COBL: variants seen among roughly 807,000 people sequenced by gnomAD.
COBL encodes cordon-bleu WH2 repeat protein.
Under a neutral mutation model 98.8 loss-of-function variants are expected in COBL, and 51 were observed. The observed-to-expected ratio is 0.52, with a 90% confidence interval of 0.41 to 0.65. The LOEUF (loss-of-function observed/expected upper bound fraction) is 0.65, where lower values mean the gene tolerates loss of function less well. COBL is among the 30% of genes least tolerant of loss of function. COBL has a pLI of 0.00. For synonymous variants in COBL, 634 were observed against 651.7 expected, an observed-to-expected ratio of 0.97 and a Z score of 0.41; for missense variants, 1,617 against 1,617.5, an observed-to-expected ratio of 1.00 and a Z score of 0.01.
chr7:51,144,223 A>G (rs147520810), intron 5 of COBL, among the ~76,000 whole-genome samples: 22 of 152,326 alleles, frequency 1.4e-4, no homozygotes, highest in African/African-American at 4.8e-4. Context: ...ATTCGTGTGC[A>G]GACATGTATT....
In COBL at chr7:51,187,761, TG is replaced by T. The variant is rs112442350; in HGVS notation, c.685+3088del. 9.2e-3 allele frequency among the ~76,000 whole-genome samples: 1,405 copies of T among 152,340 alleles called. 19 individuals are homozygous for T. The highest frequency in any genetic ancestry group is 0.032 in the African/African-American group (1,325 of 41,584). Reference sequence around the variant, plus strand: ...ATCAAGAAACCAAACCAAAATCTCATGTCAGCCTCGCATGCACCTTCAGGAG... The same window carrying T: ...ATCAAGAAACCAAACCAAAATCTCATTCAGCCTCGCATGCACCTTCAGGAG... On this transcript the variant is annotated intron_variant, in intron 4 of 12. Transcript: ENST00000265136.
chr7:51,025,811 A>G (rs1460043477), intron 11 of COBL, among the ~76,000 whole-genome samples: 1 of 152,178 alleles, frequency 6.6e-6, no homozygotes, highest in Non-Finnish European at 1.5e-5. Context: ...TTACCCCTGG[A>G]CCTGAGACAG....
chr7:51,158,073 A>G (rs1314596484), intron 5 of COBL, among the ~76,000 whole-genome samples: 4 of 152,222 alleles, frequency 2.6e-5, no homozygotes, highest in Non-Finnish European at 4.4e-5. Flanking sequence ...TTAGAGAGGC[A>G]GTGTCATCTG....
chr7:51,120,196 GT>G (rs1797625477), intron 6 of COBL, among the ~76,000 whole-genome samples: 1 of 152,146 alleles, frequency 6.6e-6, no homozygotes, highest in African/African-American at 2.4e-5. Flanking sequence ...TCAAAACAGT[GT>G]TGTCAAATGG....
intron 6 of COBL, among the ~76,000 whole-genome samples, chr7:51,090,480 G>A (rs1794706824): frequency 6.6e-6 from 1 of 152,208 alleles, no homozygotes; most frequent in Admixed American, 6.5e-5. Flanking sequence ...AGAATGGAAT[G>A]TACATCTAAC....
At position 51,125,965 on chromosome 7, in the gene COBL, T is replaced by C. The variant is rs561656546; in HGVS notation, c.957+10193A>G. The stretch of plus-strand genomic sequence containing the variant: ...ATTTCTATATCGTTTAAGTAAGGGA[T>C]GGTAACTTCTAGACGCTTCGATTCC... On this transcript the variant is annotated intron_variant, in intron 6 of 12. Coordinates refer to ENST00000265136, the MANE Select transcript of COBL (RefSeq NM_015198.5). Among the ~76,000 whole-genome samples the C allele has an allele frequency of 7.2e-5, 11 of 152,326 alleles. No individual in the cohort carries two copies. In the South Asian group the frequency reaches 2.3e-3, roughly 32 times the overall value.
intron 6 of COBL, among the ~76,000 whole-genome samples, chr7:51,125,897 T>G (rs1798157723): frequency 6.6e-6 from 1 of 152,256 alleles, no homozygotes; most frequent in African/African-American, 2.4e-5. Context: ...ATGTAGCGAT[T>G]GTTTCCCAGT....
chr7:51,262,395 G>A (rs1038127150), intron 1 of COBL, among the ~76,000 whole-genome samples: 13 of 152,220 alleles, frequency 8.5e-5, no homozygotes, highest in South Asian at 2.1e-4. Context: ...GGACGAAACC[G>A]TGTCAGAGTC....
At chr7:51,026,871 C>T (rs1405024766) in intron 10 of COBL, among the ~76,000 whole-genome samples, 1 of 152,192 alleles carries the variant, frequency 6.6e-6, no homozygotes, top group African/African-American at 2.4e-5. Context: ...GTACTCCAGC[C>T]TGGGCCACAG....
At chr7:51,160,386 T>A (rs1485673199) in intron 5 of COBL, among the ~76,000 whole-genome samples, 2 of 152,172 alleles carry the variant, frequency 1.3e-5, no homozygotes, top group Non-Finnish European at 2.9e-5. Context: ...AGGGAAACAA[T>A]GCAGTAATGC....
intron 6 of COBL, among the ~76,000 whole-genome samples, chr7:51,108,089 GCTCACCCA>G (rs1796474042): frequency 6.6e-6 from 1 of 152,054 alleles, no homozygotes; most frequent in Non-Finnish European, 1.5e-5. Context: ...CAGATCCAGG[GCTCACCCA>G]GAGGCCACGC....
chr7:51,183,358 G>C (rs887649063), intron 5 of COBL, among the ~76,000 whole-genome samples: 1 of 152,076 alleles, frequency 6.6e-6, no homozygotes. Flanking sequence ...TAAAATACTA[G>C]ATATTAGTAA....
chr7:51,253,523 T>C (rs941201617), intron 1 of COBL, among the ~76,000 whole-genome samples: 8 of 152,224 alleles, frequency 5.3e-5, no homozygotes, highest in Non-Finnish European at 1.0e-4. Context: ...AATGTAACTA[T>C]TGGAAAGGTA....
chr7:51,270,283 C>CT (rs1798634827), intron 1 of COBL, among the ~76,000 whole-genome samples: 1 of 152,176 alleles, frequency 6.6e-6, no homozygotes, highest in Admixed American at 6.5e-5. Flanking sequence ...AAGACTGGCT[C>CT]TGAGGTGCTG....
chr7:51,027,619 T>C (rs1358260315), intron 10 of COBL, 93 bp downstream of exon 10: 2 of 1,092,398 alleles, frequency 1.8e-6, no homozygotes, highest in East Asian at 2.4e-5. Context: ...TAATCCCGTC[T>C]CTCTCTCTCC....
chr7:51,312,874 T>A (rs1286616500), intron 1 of COBL, among the ~76,000 whole-genome samples: 3 of 152,138 alleles, frequency 2.0e-5, no homozygotes, highest in African/African-American at 7.2e-5. Flanking sequence ...TTCAGTTCTA[T>A]CCCCTTTATA....
chr7:51,183,164 G>A lies in COBL; in HGVS notation c.783+938C>T, dbSNP rs150081395. Among the ~76,000 whole-genome samples the A allele has an allele frequency of 3.0e-4, 45 of 152,318 alleles. No individual in the cohort carries two copies. The South Asian group carries it at 8.7e-3, about 29-fold the overall frequency. ...GGCAGGAAATCAGGTGTCCGGCCTT[G>A]GGCTACATGCACCTATCTGCACCAT... On this transcript the variant is annotated intron_variant, in intron 5 of 12. Coordinates refer to ENST00000265136, the MANE Select transcript of COBL (RefSeq NM_015198.5).
chr7:51,067,132 G>A (rs1399352230), intron 7 of COBL, among the ~76,000 whole-genome samples: 2 of 152,144 alleles, frequency 1.3e-5, no homozygotes, highest in African/African-American at 2.4e-5. Flanking sequence ...CGTGGGGGTG[G>A]GGAAGCATAC....
intron 1 of COBL, among the ~76,000 whole-genome samples, chr7:51,258,185 T>A (rs970972143): frequency 6.8e-4 from 103 of 152,340 alleles, no homozygotes; most frequent in African/African-American, 2.4e-3. Context: ...AGTGTATAAC[T>A]CTTCAATGAA....
Sources: allele counts gnomAD v4.1 joint callset (sites outside exome capture counted in the v4.1 genomes callset), GRCh38; gene constraint gnomAD v4.1.1; transcripts MANE v1.5; gene names NCBI Gene and HGNC (gene_info 2026-07-23, HGNC 2026-07-21).